WDPCP: variants seen among roughly 807,000 people sequenced by gnomAD.
The protein encoded by WDPCP is WD repeat containing planar cell polarity effector.
Under a neutral mutation model 93.1 loss-of-function variants are expected in WDPCP, and 71 were observed. The ratio of observed to expected loss-of-function variants is 0.76; its 90% CI spans 0.63 to 0.93. WDPCP has a LOEUF of 0.93. Ranked by LOEUF, WDPCP falls within the 40% of genes least tolerant of loss-of-function variation. The pLI is 0.00. For missense variants in WDPCP, 844 were observed against 887.4 expected (o/e 0.95, Z 0.62); for synonymous variants, 315 against 315.0 (o/e 1.00, Z 0.00).
chr2:63,338,706 T>C (rs1688633347), intron 12 of WDPCP, among the ~76,000 whole-genome samples: 1 of 150,268 alleles, frequency 6.7e-6, no homozygotes, highest in Admixed American at 6.6e-5. Flanking sequence ...TGAATTTATA[T>C]CAGGGTTCTC....
intron 12 of WDPCP, among the ~76,000 whole-genome samples, chr2:63,314,881 G>A (rs1015202364): frequency 6.6e-6 from 1 of 152,080 alleles, no homozygotes; most frequent in Non-Finnish European, 1.5e-5. Flanking sequence ...AATCATAGAG[G>A]GCAAACTGAA....
intron 6 of WDPCP, among the ~76,000 whole-genome samples, chr2:63,481,332 G>A (rs1700254524): frequency 6.6e-6 from 1 of 152,074 alleles, no homozygotes; most frequent in African/African-American, 2.4e-5. Flanking sequence ...AAACAGTGTG[G>A]AGATTCCTTA....
intron 5 of WDPCP, 68 bp downstream of exon 5, chr2:63,484,849 A>G: frequency 3.9e-6 from 6 of 1,557,354 alleles, no homozygotes; most frequent in Non-Finnish European, 5.3e-6. Flanking sequence ...TATGAAAATT[A>G]AAGCTGTTGA....
At chr2:63,628,718 T>A (rs964163076) in intron 3 of WDPCP, among the ~76,000 whole-genome samples, 3 of 152,192 alleles carry the variant, frequency 2.0e-5, no homozygotes, top group Non-Finnish European at 4.4e-5. Flanking sequence ...TTGGTAATAA[T>A]GTCCTTTACA....
chr2:63,808,029 G>A (rs1176733725), intron 2 of WDPCP, among the ~76,000 whole-genome samples: 3 of 152,126 alleles, frequency 2.0e-5, no homozygotes, highest in Non-Finnish European at 2.9e-5. Flanking sequence ...ATTACAAAGA[G>A]TGACTACATA....
chr2:63,778,941 A>G (rs1273794918), intron 2 of WDPCP, among the ~76,000 whole-genome samples: 1 of 152,126 alleles, frequency 6.6e-6, no homozygotes, highest in African/African-American at 2.4e-5. Flanking sequence ...TTCAAGTTAT[A>G]TGTGTTTCTC....
intron 2 of WDPCP, among the ~76,000 whole-genome samples, chr2:63,794,931 T>G (rs1021546685): frequency 6.6e-6 from 1 of 152,200 alleles, no homozygotes; most frequent in Non-Finnish European, 1.5e-5. Flanking sequence ...CTAGACATTA[T>G]CATGTAGGAC....
chr2:63,376,016 G>A (rs1691826762), intron 12 of WDPCP, among the ~76,000 whole-genome samples: 1 of 151,802 alleles, frequency 6.6e-6, no homozygotes, highest in African/African-American at 2.4e-5. Context: ...CTAGCCAAAG[G>A]ACAGGGAGTA....
At chr2:63,635,966 T>C (rs755585541) in intron 3 of WDPCP, among the ~76,000 whole-genome samples, 1 of 151,976 alleles carries the variant, frequency 6.6e-6, no homozygotes, top group Non-Finnish European at 1.5e-5. Context: ...CCTAAAGACT[T>C]CACCAAAAAT....
At chr2:63,412,808 C>T (rs1431110835) in intron 9 of WDPCP, among the ~76,000 whole-genome samples, 2 of 151,934 alleles carry the variant, frequency 1.3e-5, no homozygotes, top group African/African-American at 4.8e-5. Flanking sequence ...AGGAATATAC[C>T]TAACCAAGGA....
At position 63,230,540 on chromosome 2, in the gene WDPCP, T is replaced by G. The variant is rs575311433; in HGVS notation, c.1915+28767A>C. Among the ~76,000 whole-genome samples, 128 of 152,300 alleles carry G rather than the reference T, an allele frequency of 8.4e-4. 1 individual carries two copies. Among genetic ancestry groups the G allele is most frequent in the African/African-American group, 2.2e-3 (91 of 41,564 alleles). On this transcript the variant is annotated intron_variant, in intron 14 of 17. Coordinates refer to ENST00000272321, the MANE Select transcript of WDPCP (RefSeq NM_015910.7). ...GTCTTCCACAATGGTTGAACTAGTT[T>G]ACAGTCCCACCAACAGTGTAAAAGT...
At chr2:63,225,769 G>C (rs1313907655) in intron 14 of WDPCP, among the ~76,000 whole-genome samples, 1 of 151,882 alleles carries the variant, frequency 6.6e-6, no homozygotes, top group African/African-American at 2.4e-5. Flanking sequence ...ATAGTCATCT[G>C]TGTGTATTAC....
At chr2:63,602,729 C>T (rs778083318) in intron 3 of WDPCP, among the ~76,000 whole-genome samples, 1 of 152,034 alleles carries the variant, frequency 6.6e-6, no homozygotes, top group Non-Finnish European at 1.5e-5. Context: ...TTTCTGCACT[C>T]CACCTCTATA....
intron 13 of WDPCP, among the ~76,000 whole-genome samples, chr2:63,279,207 T>C (rs1683321004): frequency 6.6e-6 from 1 of 152,296 alleles, no homozygotes; most frequent in South Asian, 2.1e-4. Flanking sequence ...CAAATATCTC[T>C]GATGAACATA....
chr2:63,461,957 C>A (rs1699038359), intron 6 of WDPCP, among the ~76,000 whole-genome samples: 1 of 152,200 alleles, frequency 6.6e-6, no homozygotes, highest in African/African-American at 2.4e-5. Context: ...CCTCAAGGAT[C>A]TAGAACTAGA....
chr2:63,662,186 T>C (rs1017965759), intron 2 of WDPCP, among the ~76,000 whole-genome samples: 1 of 152,152 alleles, frequency 6.6e-6, no homozygotes, highest in African/African-American at 2.4e-5. Flanking sequence ...AAACAGCACG[T>C]ACTTTGGTGG....
chr2:63,742,461 A>G (rs960593760), intron 2 of WDPCP, among the ~76,000 whole-genome samples: 1 of 151,652 alleles, frequency 6.6e-6, no homozygotes, highest in Non-Finnish European at 1.5e-5. Context: ...TCATTACAGA[A>G]TAGGTCCCAG....
At chr2:63,461,325 A>C (rs549559303) in intron 6 of WDPCP, among the ~76,000 whole-genome samples, 1 of 152,080 alleles carries the variant, frequency 6.6e-6, no homozygotes, top group Non-Finnish European at 1.5e-5. Context: ...GACAGTGTTC[A>C]CTAAATTTAG....
At chr2:63,180,779 C>T (rs1273230835) in intron 14 of WDPCP, among the ~76,000 whole-genome samples, 1 of 152,162 alleles carries the variant, frequency 6.6e-6, no homozygotes, top group African/African-American at 2.4e-5. Context: ...ACAGGTTATA[C>T]TAATTTACAT....
Sources: allele counts gnomAD v4.1 joint callset (sites outside exome capture counted in the v4.1 genomes callset), GRCh38; gene constraint gnomAD v4.1.1; transcripts MANE v1.5; gene names NCBI Gene and HGNC (gene_info 2026-07-23, HGNC 2026-07-21).